The following MAGI1 variants were observed in gnomAD, a reference collection of about 807,000 sequenced individuals.
The protein encoded by MAGI1 is membrane associated guanylate kinase, WW and PDZ domain containing 1, also known as membrane-associated guanylate kinase, WW and PDZ domain-containing protein 1.
In MAGI1, 58 loss-of-function variants were observed where a neutral mutation model predicts 139.9. The ratio of observed to expected loss-of-function variants is 0.41; its 90% CI spans 0.34 to 0.52. The LOEUF (loss-of-function observed/expected upper bound fraction) is 0.52, where lower values mean the gene tolerates loss of function less well. Ranked by LOEUF, MAGI1 falls within the 20% of genes least tolerant of loss-of-function variation. The pLI, the probability that MAGI1 is intolerant of heterozygous loss-of-function variation, is 0.12. For missense variants in MAGI1, 1,874 were observed against 1,901.6 expected, an observed-to-expected ratio of 0.99 and a Z score of 0.27; for synonymous variants, 812 against 737.9, an observed-to-expected ratio of 1.10 and a Z score of -1.63.
intron 1 of MAGI1, among the ~76,000 whole-genome samples, chr3:65,973,349 C>T (rs1374844128): frequency 1.3e-5 from 2 of 151,906 alleles, no homozygotes; most frequent in Non-Finnish European, 1.5e-5. Flanking sequence ...ATCTTCAGTA[C>T]CTTTGTAAGG....
chr3:65,810,957 T>C (rs570371945), intron 1 of MAGI1, among the ~76,000 whole-genome samples: 29 of 152,342 alleles, frequency 1.9e-4, no homozygotes, highest in African/African-American at 5.8e-4. Context: ...ACTTAATACA[T>C]GTTTGTTGGG....
intron 2 of MAGI1, among the ~76,000 whole-genome samples, chr3:65,587,594 C>G (rs2081751570): frequency 6.6e-6 from 1 of 150,788 alleles, no homozygotes; most frequent in Non-Finnish European, 1.5e-5. Context: ...CACCTCCCAG[C>G]TTCCACCTCT....
chr3:65,406,753 G>A (rs1337159256), intron 12 of MAGI1, among the ~76,000 whole-genome samples: 2 of 151,942 alleles, frequency 1.3e-5, no homozygotes, highest in Non-Finnish European at 2.9e-5. Flanking sequence ...AACTGTGTGT[G>A]TGTATATATA....
intron 1 of MAGI1, among the ~76,000 whole-genome samples, chr3:66,015,679 G>A (rs2067596926): frequency 6.6e-6 from 1 of 152,102 alleles, no homozygotes; most frequent in Admixed American, 6.5e-5. Context: ...ATGCCAAAAA[G>A]TTTATAAGCA....
chr3:65,927,896 A>T (rs888364184), intron 1 of MAGI1, among the ~76,000 whole-genome samples: 2 of 152,134 alleles, frequency 1.3e-5, no homozygotes, highest in African/African-American at 2.4e-5. Context: ...CAACTACTTA[A>T]CACAGCATGT....
chr3:65,959,197 A>T (rs2064286459), intron 1 of MAGI1, among the ~76,000 whole-genome samples: 1 of 152,172 alleles, frequency 6.6e-6, no homozygotes, highest in African/African-American at 2.4e-5. Context: ...AAATTCCAAA[A>T]ATATCTCAGG....
At chr3:65,509,562 G>A (rs975725671) in intron 2 of MAGI1, among the ~76,000 whole-genome samples, 3 of 152,180 alleles carry the variant, frequency 2.0e-5, no homozygotes, top group East Asian at 1.9e-4. Flanking sequence ...CTGGAAAATC[G>A]GGTCACTCCC....
chr3:65,993,142 G>A (rs1576390718), intron 1 of MAGI1, among the ~76,000 whole-genome samples: 1 of 152,124 alleles, frequency 6.6e-6, no homozygotes, highest in African/African-American at 2.4e-5. Context: ...ATTTCCAGAT[G>A]CTTCATATGC....
At chr3:65,477,999 T>C (rs963910798) in intron 4 of MAGI1, among the ~76,000 whole-genome samples, 1 of 151,992 alleles carries the variant, frequency 6.6e-6, no homozygotes, top group African/African-American at 2.4e-5. Flanking sequence ...ACATAGGCTA[T>C]ATAATATAGA....
chr3:65,598,515 C>T (rs527261925), intron 2 of MAGI1, among the ~76,000 whole-genome samples: 33 of 152,258 alleles, frequency 2.2e-4, no homozygotes, highest in Admixed American at 7.8e-4. Context: ...GGAAGGAATT[C>T]CAATAGATAA....
chr3:65,782,613 C>CAAAAAAA (rs56367932), intron 1 of MAGI1, among the ~76,000 whole-genome samples: 1 of 60,544 alleles, frequency 1.7e-5, no homozygotes, highest in Non-Finnish European at 3.0e-5. Context: ...ATTTCTTAAG[C>CAAAAAAA]AAAAAAAAAA....
intron 2 of MAGI1, among the ~76,000 whole-genome samples, chr3:65,533,820 C>G (rs891559347): frequency 6.6e-6 from 1 of 152,168 alleles, no homozygotes; most frequent in African/African-American, 2.4e-5. Flanking sequence ...AAAATTCAAC[C>G]TGCAAAGTCT....
intron 1 of MAGI1, among the ~76,000 whole-genome samples, chr3:65,881,880 C>A (rs888502190): frequency 6.6e-6 from 1 of 152,058 alleles, no homozygotes; most frequent in Non-Finnish European, 1.5e-5. Flanking sequence ...GGCATAAGAG[C>A]CTCTGGAAAG....
intron 1 of MAGI1, among the ~76,000 whole-genome samples, chr3:66,028,287 G>T (rs2068404898): frequency 6.6e-6 from 1 of 152,278 alleles, no homozygotes; most frequent in South Asian, 2.1e-4. Flanking sequence ...CTGCTTGTAG[G>T]GTAGGTACTT....
chr3:65,753,389 T>C (rs894993098), intron 1 of MAGI1, among the ~76,000 whole-genome samples: 2 of 152,148 alleles, frequency 1.3e-5, no homozygotes, highest in Admixed American at 6.5e-5. Flanking sequence ...AAAACACCTA[T>C]GAACTGAGTA....
intron 2 of MAGI1, among the ~76,000 whole-genome samples, chr3:65,567,530 A>C (rs1253671338): frequency 1.3e-5 from 2 of 152,182 alleles, no homozygotes; most frequent in Non-Finnish European, 2.9e-5. Flanking sequence ...ATCACATCTA[A>C]CCAAAGAAGA....
intron 3 of MAGI1, among the ~76,000 whole-genome samples, chr3:65,479,896 A>G (rs1428360084): frequency 2.6e-5 from 4 of 152,182 alleles, no homozygotes; most frequent in Admixed American, 1.3e-4. Context: ...AATAATATTC[A>G]GCGGCTACAT....
chr3:65,975,649 A>G (rs1383007750), intron 1 of MAGI1, among the ~76,000 whole-genome samples: 1 of 152,102 alleles, frequency 6.6e-6, no homozygotes, highest in Non-Finnish European at 1.5e-5. Context: ...TAAATAGATA[A>G]AAATTAAAAA....
chr3:65,558,791 A>G (rs1258381114), intron 2 of MAGI1, among the ~76,000 whole-genome samples: 1 of 152,212 alleles, frequency 6.6e-6, no homozygotes, highest in Non-Finnish European at 1.5e-5. Context: ...CCACCAACTC[A>G]GAAAATAGAT....
Sources: gnomAD v4.1 joint callset for allele counts (sites outside exome capture counted in the v4.1 genomes callset) on GRCh38, gnomAD v4.1.1 for gene constraint, MANE v1.5 for transcripts, NCBI Gene and HGNC (gene_info 2026-07-23, HGNC 2026-07-21) for gene names.